Variants in BCO1 observed in about 807,000 individuals in gnomAD.
The protein encoded by BCO1 is beta,beta-carotene 15,15'-dioxygenase.
A neutral mutation model predicts 56.3 loss-of-function variants in BCO1; 54 were observed. That is an observed-to-expected ratio of 0.96 (90% CI 0.77 to 1.20). BCO1 has a LOEUF of 1.20. Among genes scored for constraint, BCO1 ranks in the 50% most tolerant of loss-of-function variants. The pLI is 0.00. For missense variants in BCO1, 801 were observed against 690.9 expected, an observed-to-expected ratio of 1.16 and a Z score of -1.79; for synonymous variants, 318 against 266.1, an observed-to-expected ratio of 1.20 and a Z score of -1.90.
intron 2 of BCO1, among the ~76,000 whole-genome samples, chr16:81,249,257 G>GTT (rs112038654): frequency 1.5e-4 from 22 of 150,438 alleles, no homozygotes; most frequent in African/African-American, 4.6e-4. Flanking sequence ...CATCTGGCTA[G>GTT]TTTTTTTTTC....
intron 2 of BCO1, among the ~76,000 whole-genome samples, chr16:81,258,135 C>G (rs1343527901): frequency 6.6e-6 from 1 of 152,186 alleles, no homozygotes; most frequent in African/African-American, 2.4e-5. Flanking sequence ...CCAAAAGGAA[C>G]TAGCCCTGTG....
rs1158528489 is a variant in BCO1, at chr16:81,290,475, T to C, written c.1542T>C (p.His514=). The change falls in exon 11 of 11, where the codon CAT becomes CAC. Residue 514 remains histidine, a synonymous_variant. Coordinates refer to ENST00000258168, the MANE Select transcript of BCO1 (RefSeq NM_017429.3). ...SVDVDMHMDL[H]GLFITDMDWD... ...ATGTCGATATGCACATGGATCTCCA[T>C]GGATTATTCATTACAGACATGGACT... The C allele has an allele frequency of 3.1e-6, 5 of 1,614,034 alleles. No homozygotes were observed. The highest frequency in any genetic ancestry group is 1.3e-5 in the African/African-American group (1 of 74,900).
intron 2 of BCO1, among the ~76,000 whole-genome samples, chr16:81,258,874 G>T (rs1336351724): frequency 6.6e-6 from 1 of 152,154 alleles, no homozygotes; most frequent in Non-Finnish European, 1.5e-5. Context: ...TTTCTGGCGA[G>T]GGCCTCAAAA....
intron 4 of BCO1, chr16:81,262,792 A>T (rs1597358907): frequency 5.4e-6 from 1 of 184,176 alleles, no homozygotes; most frequent in Non-Finnish European, 1.1e-5. Flanking sequence ...GCACCACTGC[A>T]CTCCAGCCTG....
chr16:81,245,333 C>A lies in BCO1; in HGVS notation c.65-142C>A. ...AACTGCCCAACACATTATACACTTT[C>A]TGGAAATGACTGTAGAATAAACGAA... On this transcript the variant is annotated intron_variant, in intron 1 of 10. Coordinates refer to ENST00000258168, the MANE Select transcript of BCO1 (RefSeq NM_017429.3). The A allele has an allele frequency of 5.4e-6, 7 of 1,291,576 alleles. 1 individual carries two copies. The highest frequency in any genetic ancestry group is 7.8e-6 in the Non-Finnish European group (7 of 894,640). 80.0% of individuals were successfully genotyped at this position (1,291,576 alleles called of 1,614,324 possible). A position where few individuals can be genotyped will look rare whatever the true frequency, so the allele number is the denominator to read the frequency against.
intron 2 of BCO1, among the ~76,000 whole-genome samples, chr16:81,249,157 C>G (rs1905626242): frequency 6.7e-6 from 1 of 148,292 alleles, no homozygotes; most frequent in South Asian, 2.1e-4. Flanking sequence ...GTGGCGCAAT[C>G]TCGGCTCACT....
intron 10 of BCO1, among the ~76,000 whole-genome samples, chr16:81,288,183 C>T (rs527428067): frequency 2.2e-4 from 32 of 148,510 alleles, no homozygotes; most frequent in African/African-American, 7.5e-4. Context: ...GCACAAAGTC[C>T]ATCTCCTTTC....
chr16:81,272,434 C>G (rs1016616983), intron 7 of BCO1, among the ~76,000 whole-genome samples: 1 of 152,168 alleles, frequency 6.6e-6, no homozygotes, highest in Non-Finnish European at 1.5e-5. Context: ...GCTTTTCTAC[C>G]TATTTATGTA....
chr16:81,262,326 A>G (rs1301386228), intron 4 of BCO1, 43 bp downstream of exon 4: 2 of 1,596,960 alleles, frequency 1.3e-6, no homozygotes, highest in East Asian at 4.5e-5. Context: ...TGACTCAAGA[A>G]AGGGAGAGTC....
At chr16:81,267,616 C>A (rs1490759320) in intron 5 of BCO1, among the ~76,000 whole-genome samples, 1 of 152,144 alleles carries the variant, frequency 6.6e-6, no homozygotes, top group African/African-American at 2.4e-5. Context: ...CTATCTCAGA[C>A]AAACCGGTGG....
intron 2 of BCO1, among the ~76,000 whole-genome samples, chr16:81,248,349 G>C (rs1263800117): frequency 7.0e-6 from 1 of 142,544 alleles, no homozygotes; most frequent in Non-Finnish European, 1.5e-5. Context: ...GTTGCAGTGA[G>C]CTGAGATTGC....
At chr16:81,285,425 A>T (rs1372439996) in intron 8 of BCO1, 115 bp from the exon 9 acceptor site, 1 of 800,020 alleles carries the variant, frequency 1.2e-6, no homozygotes, top group Non-Finnish European at 2.2e-6. Context: ...AATCAAGCTC[A>T]AGGATCTTGG....
At chr16:81,273,546 T>C (rs2150629670) in intron 7 of BCO1, among the ~76,000 whole-genome samples, 1 of 152,256 alleles carries the variant, frequency 6.6e-6, no homozygotes, top group East Asian at 1.9e-4. Context: ...TCCTCTCCCA[T>C]CTCTCCAGCA....
chr16:81,250,961 AC>A (rs1905759899), intron 2 of BCO1, among the ~76,000 whole-genome samples: 1 of 152,082 alleles, frequency 6.6e-6, no homozygotes, highest in Admixed American at 6.6e-5. Context: ...TGTGTTTCTA[AC>A]ACACTTCCCA....
intron 4 of BCO1, 42 bp from the exon 5 acceptor site, chr16:81,264,598 A>G (rs1375100506): frequency 3.1e-6 from 5 of 1,607,746 alleles, no homozygotes; most frequent in African/African-American, 1.3e-5. Flanking sequence ...CAGGTTGATT[A>G]TCGTAAATAC....
intron 3 of BCO1, 147 bp from the exon 4 acceptor site, chr16:81,261,989 G>A (rs2151936885): frequency 2.2e-6 from 2 of 901,872 alleles, no homozygotes; most frequent in Non-Finnish European, 3.6e-6. Flanking sequence ...TGATCCACCT[G>A]CCTCGGCCTC....
At chr16:81,262,524 A>G (rs1052708533) in intron 4 of BCO1, 1 of 503,974 alleles carries the variant, frequency 2.0e-6, no homozygotes, top group Non-Finnish European at 3.6e-6. Flanking sequence ...TACAAAAAAG[A>G]TTGCTTTAAA....
chr16:81,264,701 C>G lies in BCO1; in HGVS notation c.533C>G (p.Ala178Gly), dbSNP rs371846416. The change falls in exon 5 of 11, where the codon GCT (alanine) becomes GGT (glycine). Residue 178 changes from alanine (A) to glycine (G), a missense_variant. Coordinates refer to ENST00000258168, the MANE Select transcript of BCO1 (RefSeq NM_017429.3). Reference protein sequence around the residue: ...LATSHPHYDEAGNVLNMGTSI... With the variant: ...LATSHPHYDEGGNVLNMGTSI... ...ACGTCACATCCCCATTATGATGAGG[C>G]TGGAAATGTTCTAAACATGGGCACA... 1.9e-6 allele frequency: 3 copies of G among 1,614,004 alleles called. No homozygotes were observed. The highest frequency in any genetic ancestry group is 3.3e-5 in the Admixed American group (2 of 59,988).
At chr16:81,266,976 A>G (rs1174332377) in intron 5 of BCO1, among the ~76,000 whole-genome samples, 1 of 152,198 alleles carries the variant, frequency 6.6e-6, no homozygotes, top group African/African-American at 2.4e-5. Flanking sequence ...GTTTGCAGAT[A>G]ACTCATTATA....
Sources: allele counts gnomAD v4.1 joint callset (sites outside exome capture counted in the v4.1 genomes callset), GRCh38; gene constraint gnomAD v4.1.1; transcripts MANE v1.5; gene names NCBI Gene and HGNC (gene_info 2026-07-23, HGNC 2026-07-21).